The following PKD2 variants were observed in gnomAD, a reference collection of about 807,000 sequenced individuals.
The protein encoded by PKD2 is polycystin-2.
A neutral mutation model predicts 105.9 loss-of-function variants in PKD2; 48 were observed. That is an observed-to-expected ratio of 0.45 (90% CI 0.36 to 0.58). The LOEUF (loss-of-function observed/expected upper bound fraction) is 0.58. PKD2 is among the 20% of genes least tolerant of loss of function. The pLI, the probability that PKD2 is intolerant of heterozygous loss-of-function variation, is 0.00. For missense variants in PKD2, 1,078 were observed against 1,255.3 expected (o/e 0.86, Z 2.13); for synonymous variants, 464 against 481.1 (o/e 0.96, Z 0.46).
chr4:88,057,053 A>G (rs1369963130), intron 8 of PKD2, among the ~76,000 whole-genome samples: 1 of 151,822 alleles, frequency 6.6e-6, no homozygotes, highest in African/African-American at 2.4e-5. Flanking sequence ...GCAGTGGTGC[A>G]ATCATAGCTC....
intron 5 of PKD2, among the ~76,000 whole-genome samples, chr4:88,044,321 G>A (rs1221627207): frequency 1.3e-5 from 2 of 151,480 alleles, no homozygotes; most frequent in African/African-American, 4.8e-5. Flanking sequence ...GAGCATGTCA[G>A]CAACACCCAA....
At chr4:88,035,351 G>A (rs748647551) in intron 2 of PKD2, among the ~76,000 whole-genome samples, 4 of 152,206 alleles carry the variant, frequency 2.6e-5, no homozygotes, top group Non-Finnish European at 5.9e-5. Flanking sequence ...ATATGTCTGT[G>A]TCAATCAGTA....
chr4:88,075,391 G>T, intron 14 of PKD2, 67 bp from the exon 15 acceptor site: 1 of 1,091,180 alleles, frequency 9.2e-7, no homozygotes, highest in Non-Finnish European at 1.4e-6. Context: ...CAGATTATTT[G>T]GTCCCTGGAC....
chr4:88,047,163 T>G (rs937652518), intron 6 of PKD2, among the ~76,000 whole-genome samples: 5 of 139,066 alleles, frequency 3.6e-5, no homozygotes, highest in African/African-American at 1.3e-4. Context: ...GAGAAAACAG[T>G]TTTTTTTCTT....
intron 6 of PKD2, among the ~76,000 whole-genome samples, chr4:88,050,134 C>T (rs1297982383): frequency 6.6e-6 from 1 of 151,830 alleles, no homozygotes; most frequent in Non-Finnish European, 1.5e-5. Flanking sequence ...GCCACCATGC[C>T]CAGCTAATTT....
At chr4:88,047,511 T>C (rs1482886900) in intron 6 of PKD2, among the ~76,000 whole-genome samples, 1 of 152,092 alleles carries the variant, frequency 6.6e-6, no homozygotes. Flanking sequence ...CAGTGAGCTA[T>C]AAATGCACCA....
At chr4:88,013,500 C>T (rs1160099540) in intron 1 of PKD2, among the ~76,000 whole-genome samples, 1 of 152,140 alleles carries the variant, frequency 6.6e-6, no homozygotes, top group Admixed American at 6.5e-5. Flanking sequence ...CACTTAAGCC[C>T]AGCAGTTCAA....
intron 1 of PKD2, among the ~76,000 whole-genome samples, chr4:88,009,282 A>T (rs1288215027): frequency 6.6e-6 from 1 of 152,204 alleles, no homozygotes; most frequent in Non-Finnish European, 1.5e-5. Context: ...ATTTTAATCT[A>T]TATTTTTAAG....
In PKD2 at chr4:88,056,132, C is replaced by G; in HGVS notation, c.1763C>G (p.Thr588Arg). The G allele has an allele frequency of 6.2e-7, 1 of 1,613,680 alleles. No individual in the cohort carries two copies. The highest frequency in any genetic ancestry group is 8.5e-7 in the Non-Finnish European group (1 of 1,179,568). ...NFNRTMSQLS[T>R]TMSRCAKDLF... ...AACAGGACCATGAGCCAGCTCTCGA[C>G]AACCATGTCTCGATGTGCCAAAGAC... Residue 588 changes from threonine to arginine, a missense_variant, in exon 8 of 15, where the codon ACA becomes AGA. By Grantham distance (71) the Thr-to-Arg change is moderately conservative. Transcript: ENST00000237596.
chr4:88,010,805 G>C (rs761804105), intron 1 of PKD2, among the ~76,000 whole-genome samples: 1 of 152,184 alleles, frequency 6.6e-6, no homozygotes, highest in Admixed American at 6.5e-5. Flanking sequence ...ACAAATGGTC[G>C]ATTTTGCTCC....
chr4:88,007,787 GC>G lies in PKD2; in HGVS notation c.57del (p.Ala20ArgfsTer10), dbSNP rs1213498621. 1.7e-6 allele frequency: 2 copies of G among 1,160,248 alleles called. No homozygotes were observed. Among genetic ancestry groups the G allele is most frequent in the East Asian group, 5.1e-5 (1 of 19,622 alleles). 71.9% of individuals were successfully genotyped at this position (1,160,248 alleles called of 1,614,324 possible). On this transcript the variant is annotated frameshift_variant, in exon 1 of 15. Coordinates refer to ENST00000237596, the MANE Select transcript of PKD2 (RefSeq NM_000297.4). LOFTEE classifies it high-confidence loss of function. ...AGCAGCCCGGGGACGCCAAGCGGCC[GC>G]CCGCGCCCCGCGCGCCGGACCCGGG... The part of the protein sequence containing the change: ...PQQPGDAKRP[P>X]APRAPDPGRL...
At chr4:88,069,436 T>G (rs1311898110) in intron 13 of PKD2, among the ~76,000 whole-genome samples, 1 of 151,842 alleles carries the variant, frequency 6.6e-6, no homozygotes, top group East Asian at 1.9e-4. Context: ...TGATTTTTCA[T>G]TTTTTTTAGT....
In PKD2 at chr4:88,007,904, G is replaced by A. The variant is rs1578111243; in HGVS notation, c.171G>A (p.Gln57=). 7.0e-7 allele frequency: 1 copy of A among 1,425,468 alleles called. No individual in the cohort carries two copies. Among genetic ancestry groups the A allele is most frequent in the Non-Finnish European group, 9.2e-7 (1 of 1,084,434 alleles). 88.3% of individuals were successfully genotyped at this position (1,425,468 alleles called of 1,614,324 possible). The change falls in exon 1 of 15, where the codon CAG becomes CAA. Residue 57 remains glutamine, a synonymous_variant. Transcript: ENST00000237596. The part of the protein sequence containing the change: ...CEQRGLEIEM[Q]RIRQAAARDP... ...AGCGGGGCCTGGAGATCGAGATGCA[G>A]CGCATCCGGCAGGCGGCCGCGCGGG...
chr4:88,043,074 G>T (rs1404684063), intron 4 of PKD2, among the ~76,000 whole-genome samples, 159 bp from the exon 5 acceptor site: 1 of 152,166 alleles, frequency 6.6e-6, no homozygotes, highest in African/African-American at 2.4e-5. Context: ...AACAGTATGA[G>T]AATTAACCAA....
At chr4:88,022,475 C>T (rs1726787952) in intron 2 of PKD2, among the ~76,000 whole-genome samples, 1 of 152,190 alleles carries the variant, frequency 6.6e-6, no homozygotes, top group African/African-American at 2.4e-5. Context: ...TTCCAAATGC[C>T]TGTCTGAGTA....
chr4:88,031,511 T>C (rs962392681), intron 2 of PKD2, among the ~76,000 whole-genome samples: 10 of 152,212 alleles, frequency 6.6e-5, no homozygotes, highest in African/African-American at 2.4e-4. Flanking sequence ...TTACCTGGAA[T>C]ACTGTGGCCA....
At chr4:88,075,383 G>C in intron 14 of PKD2, 75 bp from the exon 15 acceptor site, 1 of 1,051,112 alleles carries the variant, frequency 9.5e-7, no homozygotes, top group Non-Finnish European at 1.5e-6. Flanking sequence ...CCAAACTACA[G>C]ATTATTTGGT....
intron 1 of PKD2, among the ~76,000 whole-genome samples, chr4:88,016,518 A>G (rs1379059001): frequency 6.6e-6 from 1 of 152,144 alleles, no homozygotes; most frequent in South Asian, 2.1e-4. Context: ...TATTTTTCCT[A>G]CTTGTAGATG....
intron 5 of PKD2, among the ~76,000 whole-genome samples, chr4:88,045,669 A>G (rs1007263010): frequency 3.9e-5 from 6 of 152,174 alleles, no homozygotes; most frequent in Non-Finnish European, 5.9e-5. Context: ...ATTTGACAAG[A>G]AAAAAACCCT....
Sources: gnomAD v4.1 joint callset for allele counts (sites outside exome capture counted in the v4.1 genomes callset) on GRCh38, gnomAD v4.1.1 for gene constraint, MANE v1.5 for transcripts, NCBI Gene and HGNC (gene_info 2026-07-23, HGNC 2026-07-21) for gene names.